GGA1: variants seen among roughly 807,000 people sequenced by gnomAD.
The protein encoded by GGA1 is ADP-ribosylation factor-binding protein GGA1.
A neutral mutation model predicts 76.9 loss-of-function variants in GGA1; 18 were observed. The observed-to-expected ratio is 0.23, with a 90% CI of 0.16 to 0.35. GGA1 has a LOEUF of 0.35. Among genes scored for constraint, GGA1 ranks in the 10% least tolerant of loss-of-function variants. The pLI, the probability that GGA1 is intolerant of heterozygous loss-of-function variation, is 1.00. For missense variants in GGA1, 755 were observed against 859.0 expected, an observed-to-expected ratio of 0.88 and a Z score of 1.51; for synonymous variants, 342 against 354.7, an observed-to-expected ratio of 0.96 and a Z score of 0.40.
rs1276714175 is a variant in GGA1 at position 37,630,010 on chromosome 22, A to C, written c.1171A>C (p.Thr391Pro). Residue 391 changes from threonine to proline, a missense_variant, in exon 13 of 17, where the codon ACT becomes CCT. By Grantham distance (38) the Thr-to-Pro change is conservative. Transcript: ENST00000343632. ...GWNSFQSSDA[T>P]EPPAPALAQA... ...CTTTTCCCCACAGTCGTCGGATGCC[A>C]CTGAGCCCCCAGCCCCTGCTCTGGC... The C allele has an allele frequency of 1.3e-6, 2 of 1,563,290 alleles. No individual in the cohort carries two copies. The highest frequency in any genetic ancestry group is 1.7e-6 in the Non-Finnish European group (2 of 1,154,786).
chr22:37,612,972 C>T (rs184055745), intron 1 of GGA1: 4 of 985,386 alleles, frequency 4.1e-6, no homozygotes, highest in African/African-American at 1.7e-5. Context: ...CAGTCTTCCC[C>T]AGAACCTCAC....
At position 37,623,861 on chromosome 22, in the gene GGA1, T is replaced by G; in HGVS notation, c.832+228T>G. The G allele has an allele frequency of 7.8e-6, 4 of 512,984 alleles. No individual in the cohort carries two copies. The highest frequency in any genetic ancestry group is 1.4e-5 in the Non-Finnish European group (4 of 281,156). 31.8% of individuals were successfully genotyped at this position (512,984 alleles called of 1,614,324 possible). On this transcript the variant is annotated intron_variant, in intron 9 of 16. Transcript: ENST00000343632. This position sits in a 1 kb window ranked among gnomAD's most constrained non-coding sequence, Gnocchi z 4.6. ...CCCCCTTAACAGGCATCTTATTTAC[T>G]ACCCGCAGCTGCACAGGAGGCAGAC...
chr22:37,626,723 G>A (rs1930913850), intron 11 of GGA1: 1 of 152,302 alleles, frequency 6.6e-6, no homozygotes, highest in African/African-American at 2.4e-5. Flanking sequence ...GAAGTGATGG[G>A]GACCCGGGGC....
At chr22:37,618,122 CAAAA>C (rs35958963) in intron 3 of GGA1, 86 of 93,866 alleles carry the variant, frequency 9.2e-4, no homozygotes, top group East Asian at 1.2e-3. Flanking sequence ...AACTCTGTCT[CAAAA>C]AAAAAAAAAA....
rs529281458 is a variant in GGA1 at position 37,618,274 on chromosome 22, G to A, written c.205-174G>A. On this transcript the variant is annotated intron_variant, in intron 3 of 16. Transcript: ENST00000343632. Reference sequence around the variant, plus strand: ...GGTCGCCTGACCCTATCTCCCATGGGAGTGATGACCAGTCCCAGAGGCCTG... The same window carrying A: ...GGTCGCCTGACCCTATCTCCCATGGAAGTGATGACCAGTCCCAGAGGCCTG... 204 of 586,092 alleles carry A rather than the reference G, an allele frequency of 3.5e-4. 8 individuals are homozygous for A. In the South Asian group the frequency reaches 4.2e-3, roughly 12 times the overall value. The allele number at this position is 586,092 out of a possible 1,614,324, so 36.3% of individuals were successfully genotyped here. A position where few individuals can be genotyped will look rare whatever the true frequency, so the allele number is the denominator to read the frequency against.
Position 37,620,900 on chromosome 22 carries a change from A to T in GGA1, c.515A>T (p.Glu172Val), listed in dbSNP as rs371106161. 7 of 1,604,980 alleles carry T rather than the reference A, an allele frequency of 4.4e-6. No individual in the cohort carries two copies. The highest frequency in any genetic ancestry group is 1.3e-5 in the African/African-American group (1 of 74,766). Residue 172 changes from glutamate to valine, a missense_variant, in exon 6 of 17, where the codon GAG (glutamate) becomes GTG (valine). Transcript: ENST00000343632. ...PRPKNVIFED[E>V]EKSKMLARLL... is the part of the protein sequence containing the mutation. ...CCGAAGAATGTGATCTTTGAAGATG[A>T]GGAGAAATCCAAGGTGAGACTCCAA...
Position 37,623,222 on chromosome 22 carries a change from CCCAGCTGTCAA to C in GGA1, c.610-102_610-92del. The C allele has an allele frequency of 9.0e-7, 1 of 1,115,180 alleles. No homozygotes were observed. The highest frequency in any genetic ancestry group is 1.4e-6 in the Non-Finnish European group (1 of 738,068). 69.1% of individuals were successfully genotyped at this position (1,115,180 alleles called of 1,614,324 possible). A position where few individuals can be genotyped will look rare whatever the true frequency, so the allele number is the denominator to read the frequency against. On this transcript the variant is annotated intron_variant, in intron 7 of 16. Transcript: ENST00000343632. The surrounding 1 kb of genome is among the most constrained non-coding windows in gnomAD (Gnocchi z 4.6). ...CACCCAGAGTGTGATCCCACAGTCA[CCCAGCTGTCAA>C]CCCAGATCCCAGCACACATTCTCTC...
intron 4 of GGA1, among the ~76,000 whole-genome samples, chr22:37,619,277 G>T (rs1442871138): frequency 2.0e-5 from 3 of 151,922 alleles, no homozygotes; most frequent in Admixed American, 2.0e-4. Flanking sequence ...ATGTTGGCCA[G>T]GCTGGTCTTG....
At chr22:37,616,382 T>C (rs1424724928) in intron 2 of GGA1, among the ~76,000 whole-genome samples, 1 of 152,186 alleles carries the variant, frequency 6.6e-6, no homozygotes, top group East Asian at 1.9e-4. Flanking sequence ...GGAAAGTGCA[T>C]GTGAGCCTCC....
chr22:37,618,438 C>T lies in GGA1; in HGVS notation c.205-10C>T, dbSNP rs1220333313. 19 of 1,564,492 alleles carry T rather than the reference C, an allele frequency of 1.2e-5. No homozygotes were observed. The highest frequency in any genetic ancestry group is 4.5e-5 in the East Asian group (2 of 44,606). On this transcript the variant is annotated splice_polypyrimidine_tract_variant and intron_variant, in intron 3 of 16. Transcript: ENST00000343632. ...CTGGGCGTCCCCTCCCATCCCCCCT[C>T]CCTGCACAGGTGCTGGAAACATGCA... is the stretch of plus-strand genomic sequence containing the variant.
At chr22:37,628,216 C>G (rs972500755) in intron 11 of GGA1, among the ~76,000 whole-genome samples, 1 of 152,218 alleles carries the variant, frequency 6.6e-6, no homozygotes, top group East Asian at 1.9e-4. Context: ...CTCAGCCTCC[C>G]AAGTAGATGG....
rs1298536078 is a variant in GGA1 at position 37,631,102 on chromosome 22, G to GAGTA, written c.1528+4_1528+7dup. On this transcript the variant is annotated splice_donor_region_variant and intron_variant, in intron 14 of 16. Transcript: ENST00000343632. ...GCCCCTGGAGTCCATCAAACCCAGT[G>GAGTA]AGTAGGGCTGGGGCAGGTGCAGGCT... The GAGTA allele has an allele frequency of 6.4e-7, 1 of 1,567,314 alleles. No individual in the cohort carries two copies. Among genetic ancestry groups the GAGTA allele is most frequent in the Non-Finnish European group, 8.6e-7 (1 of 1,157,838 alleles).
At chr22:37,618,624 G>T (rs554605559) in intron 4 of GGA1, 78 bp downstream of exon 4, 2 of 865,206 alleles carry the variant, frequency 2.3e-6, no homozygotes, top group East Asian at 5.1e-5. Context: ...ATTGTGGAGC[G>T]ACTTTTCCAG....
At chr22:37,631,692 A>C (rs1202065677) in intron 14 of GGA1, among the ~76,000 whole-genome samples, 1 of 152,174 alleles carries the variant, frequency 6.6e-6, no homozygotes, top group Non-Finnish European at 1.5e-5. Flanking sequence ...CACCCTCACC[A>C]AGTCCCTCAC....
chr22:37,623,600 G>T lies in GGA1; in HGVS notation c.799G>T (p.Ala267Ser). Residue 267 changes from alanine to serine, a missense_variant, in exon 9 of 17, where the codon GCG becomes TCG. By Grantham distance (99) the Ala-to-Ser change is moderately conservative. Transcript: ENST00000343632. The surrounding 1 kb of genome is among the most constrained non-coding windows in gnomAD (Gnocchi z 4.6). ...ERMRPTLFRL[A>S]SDTEDNDEAL... ...GATGCGGCCCACGCTCTTCCGACTG[G>T]CGAGTGACACAGAGGACAATGATGA... is the stretch of plus-strand genomic sequence containing the variant. 6.3e-7 allele frequency: 1 copy of T among 1,599,694 alleles called. No individual in the cohort carries two copies.
Position 37,609,263 on chromosome 22 carries a change from C to A in GGA1, c.43+360C>A, listed in dbSNP as rs144753507. The A allele has an allele frequency of 3.5e-6, 4 of 1,152,022 alleles. No homozygotes were observed. In the African/African-American group the frequency reaches 5.1e-5, roughly 15 times the overall value. 71.4% of individuals were successfully genotyped at this position (1,152,022 alleles called of 1,614,324 possible). ...GGGAAGGAGCACGCGAGCGGTTCCC[C>A]GGGGTTGCATCTCACACCCGGGAGG... On this transcript the variant is annotated intron_variant, in intron 1 of 16. Transcript: ENST00000343632.
intron 13 of GGA1, 88 bp from the exon 14 acceptor site, chr22:37,630,815 G>A (rs1159356109): frequency 1.1e-5 from 10 of 898,100 alleles, no homozygotes; most frequent in South Asian, 4.3e-5. Flanking sequence ...CGATCTGCCC[G>A]CCTCAGCCTC....
At chr22:37,618,249 G>A in intron 3 of GGA1, 199 bp from the exon 4 acceptor site, 1 of 560,778 alleles carries the variant, frequency 1.8e-6, no homozygotes, top group Non-Finnish European at 3.2e-6. Context: ...ACTGTATGTA[G>A]GTCGCCTGAC....
chr22:37,625,759 A>G lies in GGA1; in HGVS notation c.941-38A>G. On this transcript the variant is annotated intron_variant, in intron 10 of 16. Coordinates refer to ENST00000343632, the MANE Select transcript of GGA1 (RefSeq NM_013365.5). The surrounding 1 kb of genome is among the most constrained non-coding windows in gnomAD (Gnocchi z 4.1). Reference sequence around the variant, plus strand: ...CCTGTGGACTCTGAGAGACACGTGTACACCCAGGACTTGCCAGCCTCTTCT... The same window carrying G: ...CCTGTGGACTCTGAGAGACACGTGTGCACCCAGGACTTGCCAGCCTCTTCT... The G allele has an allele frequency of 6.7e-7, 1 of 1,502,304 alleles. No individual in the cohort carries two copies. The highest frequency in any genetic ancestry group is 9.0e-7 in the Non-Finnish European group (1 of 1,113,314). 93.1% of individuals were successfully genotyped at this position (1,502,304 alleles called of 1,614,324 possible).
Sources: gnomAD v4.1 joint callset for allele counts (sites outside exome capture counted in the v4.1 genomes callset) on GRCh38, gnomAD v4.1.1 for gene constraint, Gnocchi (gnomAD v3.1) non-coding constraint, MANE v1.5 for transcripts, NCBI Gene and HGNC (gene_info 2026-07-23, HGNC 2026-07-21) for gene names.